Variants in ROBO1 observed in about 807,000 individuals in gnomAD.
ROBO1 encodes the protein roundabout homolog 1.
ROBO1 carries 149 observed loss-of-function variants against 195.9 expected under a neutral mutation model. The ratio of observed to expected loss-of-function variants is 0.76; its 90% CI spans 0.67 to 0.87. The LOEUF is 0.87. ROBO1 is among the 40% of genes least tolerant of loss of function. The pLI is 0.00. For synonymous variants in ROBO1, 816 were observed against 733.2 expected, an observed-to-expected ratio of 1.11 and a Z score of -1.82; for missense variants, 1,933 against 2,068.3, an observed-to-expected ratio of 0.93 and a Z score of 1.27.
intron 1 of ROBO1, among the ~76,000 whole-genome samples, chr3:79,605,726 C>T (rs1446308999): frequency 1.3e-5 from 2 of 151,950 alleles, no homozygotes; most frequent in African/African-American, 4.8e-5. Flanking sequence ...AAGTCCCATT[C>T]ATTGCATCTC....
chr3:78,731,550 C>T (rs1450382116), intron 5 of ROBO1, among the ~76,000 whole-genome samples: 2 of 152,020 alleles, frequency 1.3e-5, no homozygotes, highest in African/African-American at 4.8e-5. Flanking sequence ...ACAGCACTTA[C>T]ATAGAAAGTA....
At chr3:79,698,453 C>T (rs1158551370) in intron 1 of ROBO1, among the ~76,000 whole-genome samples, 5 of 151,354 alleles carry the variant, frequency 3.3e-5, no homozygotes, top group East Asian at 3.9e-4. Flanking sequence ...TTTAATTTTG[C>T]TTTTCCACAT....
At chr3:78,657,029 T>A in intron 18 of ROBO1, 69 bp downstream of exon 18, 1 of 1,442,618 alleles carries the variant, frequency 6.9e-7, no homozygotes, top group Non-Finnish European at 9.2e-7. Flanking sequence ...CTCAGCCACA[T>A]GCAAAAAAGC....
intron 3 of ROBO1, among the ~76,000 whole-genome samples, chr3:78,991,511 C>T (rs2077237026): frequency 6.6e-6 from 1 of 152,174 alleles, no homozygotes; most frequent in South Asian, 2.1e-4. Flanking sequence ...CTGGCATTTA[C>T]CTCCAGCAAA....
intron 2 of ROBO1, among the ~76,000 whole-genome samples, chr3:79,459,703 A>C (rs1232284269): frequency 6.6e-6 from 1 of 152,132 alleles, no homozygotes; most frequent in African/African-American, 2.4e-5. Flanking sequence ...AAACCAGAAT[A>C]AAATGATCTA....
intron 1 of ROBO1, among the ~76,000 whole-genome samples, chr3:79,756,879 A>T (rs762464921): frequency 6.6e-6 from 1 of 152,174 alleles, no homozygotes; most frequent in African/African-American, 2.4e-5. Flanking sequence ...TGATTATTCT[A>T]GGTACCTCAT....
chr3:78,634,163 T>G, intron 23 of ROBO1, 121 bp from the exon 24 acceptor site: 3 of 582,430 alleles, frequency 5.2e-6, no homozygotes, highest in Non-Finnish European at 5.9e-6. Context: ...TTATTTGCCT[T>G]TTTTCTCTTC....
intron 2 of ROBO1, among the ~76,000 whole-genome samples, chr3:79,367,643 A>C (rs1170226070): frequency 6.6e-6 from 1 of 152,204 alleles, no homozygotes; most frequent in Admixed American, 6.5e-5. Flanking sequence ...ATAGACAATA[A>C]ATGTGAATAA....
chr3:79,556,997 T>C (rs1215149187), intron 2 of ROBO1, among the ~76,000 whole-genome samples: 1 of 150,096 alleles, frequency 6.7e-6, no homozygotes, highest in South Asian at 2.1e-4. Flanking sequence ...TTCTCTCTTA[T>C]ACTCTGAATT....
chr3:79,174,471 G>A (rs1187161385), intron 2 of ROBO1, among the ~76,000 whole-genome samples: 3 of 152,080 alleles, frequency 2.0e-5, no homozygotes, highest in Admixed American at 2.0e-4. Context: ...CACTCACCGC[G>A]AGGGTCTGCA....
chr3:78,658,197 C>A (rs926768514), intron 17 of ROBO1, among the ~76,000 whole-genome samples: 11 of 152,194 alleles, frequency 7.2e-5, no homozygotes, highest in Non-Finnish European at 1.5e-4. Context: ...AGTGAGTGAT[C>A]TTCTGCGATG....
intron 2 of ROBO1, 127 bp downstream of exon 2, chr3:79,589,697 T>G: frequency 1.4e-6 from 1 of 723,334 alleles, no homozygotes; most frequent in African/African-American, 1.8e-5. Context: ...AAGAAGACAT[T>G]CACACAGACT....
intron 30 of ROBO1, among the ~76,000 whole-genome samples, chr3:78,599,841 ATG>A (rs1703063305): frequency 2.0e-5 from 3 of 152,248 alleles, no homozygotes; most frequent in Non-Finnish European, 4.4e-5. Context: ...CTTCTTAACA[ATG>A]TGTTTGCCAT....
chr3:79,332,321 T>C (rs2034481760), intron 2 of ROBO1, among the ~76,000 whole-genome samples: 1 of 152,124 alleles, frequency 6.6e-6, no homozygotes, highest in Non-Finnish European at 1.5e-5. Flanking sequence ...TTTATAACAT[T>C]TGTGTAAAAT....
intron 1 of ROBO1, among the ~76,000 whole-genome samples, chr3:79,755,757 T>C (rs1704361338): frequency 6.6e-6 from 1 of 152,196 alleles, no homozygotes; most frequent in South Asian, 2.1e-4. Context: ...TCCTTGTACA[T>C]ATCCTGCCCC....
intron 1 of ROBO1, among the ~76,000 whole-genome samples, chr3:79,661,342 T>C (rs1339616201): frequency 1.3e-5 from 2 of 152,132 alleles, no homozygotes; most frequent in African/African-American, 2.4e-5. Flanking sequence ...GCAACTTGCA[T>C]GCCTATTCTG....
chr3:79,596,463 A>G (rs534418424), intron 1 of ROBO1, among the ~76,000 whole-genome samples: 1 of 152,140 alleles, frequency 6.6e-6, no homozygotes, highest in South Asian at 2.1e-4. Flanking sequence ...AAGATATTCA[A>G]TGAGGGTATG....
intron 2 of ROBO1, among the ~76,000 whole-genome samples, chr3:79,211,490 A>G (rs1018851816): frequency 1.3e-5 from 2 of 152,114 alleles, no homozygotes; most frequent in African/African-American, 4.8e-5. Context: ...CTCACCCCCA[A>G]TGTAGGGAAA....
chr3:79,443,946 T>C (rs918294712), intron 2 of ROBO1, among the ~76,000 whole-genome samples: 10 of 151,200 alleles, frequency 6.6e-5, no homozygotes, highest in African/African-American at 1.9e-4. Context: ...TTTCCAGTAA[T>C]TGAAGACAGA....
Sources: gnomAD v4.1 joint callset for allele counts (sites outside exome capture counted in the v4.1 genomes callset) on GRCh38, gnomAD v4.1.1 for gene constraint, MANE v1.5 for transcripts, NCBI Gene and HGNC (gene_info 2026-07-23, HGNC 2026-07-21) for gene names.